Variants in TSPAN13 observed in about 807,000 individuals in gnomAD.
TSPAN13 encodes tetraspanin-13.
TSPAN13 carries 18 observed loss-of-function variants against 26.9 expected under a neutral mutation model. The observed-to-expected ratio is 0.67, with a 90% CI of 0.46 to 0.99. The LOEUF (loss-of-function observed/expected upper bound fraction) is 0.99. Ranked by LOEUF, TSPAN13 falls within the 50% of genes least tolerant of loss-of-function variation. TSPAN13 has a pLI of 0.00. For synonymous variants in TSPAN13, 116 were observed against 98.4 expected (o/e 1.18, Z -1.06); for missense variants, 201 against 249.6 (o/e 0.81, Z 1.31).
At position 16,754,014 on chromosome 7, in the gene TSPAN13, T is replaced by C; in HGVS notation, c.47T>C (p.Leu16Pro). The C allele has an allele frequency of 6.2e-7, 1 of 1,613,778 alleles. No homozygotes were observed. Among genetic ancestry groups the C allele is most frequent in the South Asian group, 1.1e-5 (1 of 90,984 alleles). The change falls in exon 1 of 6, where the codon CTC becomes CCC. Residue 16 changes from leucine to proline, a missense_variant. Transcript: ENST00000262067. Reference protein sequence around the residue: ...FACSKNCLCALNLLYTLVSLL... With the variant: ...FACSKNCLCAPNLLYTLVSLL... Reference sequence around the variant, plus strand: ...TGTTCCAAGAACTGCCTGTGCGCCCTCAACCTGCTTTACACCGTGAGTATC... The same window carrying C: ...TGTTCCAAGAACTGCCTGTGCGCCCCCAACCTGCTTTACACCGTGAGTATC...
chr7:16,756,134 T>C (rs895733476), intron 1 of TSPAN13, among the ~76,000 whole-genome samples: 1 of 152,180 alleles, frequency 6.6e-6, no homozygotes, highest in African/African-American at 2.4e-5. Context: ...GATCAAGTCT[T>C]AGATAGATGC....
At chr7:16,772,482 G>C (rs706066) in intron 1 of TSPAN13, among the ~76,000 whole-genome samples, 1 of 152,130 alleles carries the variant, frequency 6.6e-6, no homozygotes, top group Admixed American at 6.5e-5. Flanking sequence ...CTGTTCTTGC[G>C]TCTTCCATTT....
In TSPAN13 at chr7:16,757,578, AC is replaced by A. The variant is rs568724026; in HGVS notation, c.63+3549del. On this transcript the variant is annotated intron_variant, in intron 1 of 5. Transcript: ENST00000262067. ...TATGACCAAACATATATTTACTGGG[AC>A]TTTTTAAGAGTTGCCCTGCCAGTTT... is the stretch of plus-strand genomic sequence containing the variant. 4.7e-4 allele frequency among the ~76,000 whole-genome samples: 71 copies of A among 152,260 alleles called. 1 individual carries two copies. The East Asian group carries it at 0.012, about 26-fold the overall frequency.
intron 5 of TSPAN13, among the ~76,000 whole-genome samples, chr7:16,783,128 C>T (rs12112188): frequency 0.43 from 65,913 of 151,924 alleles, 15,876 homozygotes; most frequent in Middle Eastern, 0.57. Flanking sequence ...TTAACCACAC[C>T]CGCAAAGTCC....
chr7:16,762,032 C>G (rs1436928414), intron 1 of TSPAN13, among the ~76,000 whole-genome samples: 4 of 152,026 alleles, frequency 2.6e-5, no homozygotes, highest in Non-Finnish European at 5.9e-5. Context: ...ATTCTTTCAT[C>G]CTCAAAGCAA....
chr7:16,769,715 G>C (rs1324883099), intron 1 of TSPAN13, among the ~76,000 whole-genome samples: 1 of 151,442 alleles, frequency 6.6e-6, no homozygotes, highest in African/African-American at 2.4e-5. Context: ...AATAATTTTT[G>C]AATAATGAAA....
chr7:16,762,919 A>C (rs1409770428), intron 1 of TSPAN13, among the ~76,000 whole-genome samples: 2 of 152,190 alleles, frequency 1.3e-5, no homozygotes, highest in Non-Finnish European at 2.9e-5. Flanking sequence ...GAATATACTT[A>C]AAGTATAACA....
chr7:16,776,243 G>T lies in TSPAN13; in HGVS notation c.96G>T (p.Ala32=), dbSNP rs766812401. The change falls in exon 2 of 6, where the codon GCG becomes GCT. Residue 32 remains alanine, a synonymous_variant. Transcript: ENST00000262067. ...LVSLLLIGIA[A]WGIGFGLISS... is the part of the protein sequence containing the mutation. The stretch of plus-strand genomic sequence containing the variant: ...GTCTGCTGCTAATTGGAATTGCTGC[G>T]TGGGGCATTGGCTTCGGGCTGATTT... 6.8e-6 allele frequency: 11 copies of T among 1,614,006 alleles called. No individual in the cohort carries two copies. The highest frequency in any genetic ancestry group is 4.2e-6 in the Non-Finnish European group (5 of 1,179,980).
intron 1 of TSPAN13, among the ~76,000 whole-genome samples, chr7:16,768,000 C>G (rs182616550): frequency 6.6e-6 from 1 of 152,216 alleles, no homozygotes; most frequent in Non-Finnish European, 1.5e-5. Flanking sequence ...GCAACCTCCT[C>G]CTCCCAGGTT....
At position 16,777,902 on chromosome 7, in the gene TSPAN13, C is replaced by G; in HGVS notation, c.417C>G (p.Thr139=). The G allele has an allele frequency of 6.2e-7, 1 of 1,610,868 alleles. No individual in the cohort carries two copies. Among genetic ancestry groups the G allele is most frequent in the Admixed American group, 1.7e-5 (1 of 59,868 alleles). ...TCCGAAGTGTTAACCCAAATGACAC[C>G]TGTCTGGCTGTAAGTACATTGTATA... ...CGFRSVNPND[T]CLASCVKSDH... The change falls in exon 4 of 6, where the codon ACC becomes ACG. Residue 139 remains threonine, a synonymous_variant. Transcript: ENST00000262067.
At chr7:16,766,907 A>G (rs566288380) in intron 1 of TSPAN13, among the ~76,000 whole-genome samples, 46 of 152,324 alleles carry the variant, frequency 3.0e-4, no homozygotes, top group Admixed American at 6.5e-4. Context: ...CACTGGCTTT[A>G]TACATTTCAC....
At chr7:16,755,309 A>C (rs888004123) in intron 1 of TSPAN13, among the ~76,000 whole-genome samples, 1 of 152,170 alleles carries the variant, frequency 6.6e-6, no homozygotes, top group Admixed American at 6.5e-5. Context: ...CATGACTGCA[A>C]GCTTTGAAGG....
intron 5 of TSPAN13, 116 bp from the exon 6 acceptor site, chr7:16,783,301 G>T (rs1037792071): frequency 7.9e-6 from 8 of 1,015,450 alleles, no homozygotes; most frequent in Non-Finnish European, 1.2e-5. Context: ...TCTCCCCGTT[G>T]AACAAAAGAT....
intron 1 of TSPAN13, among the ~76,000 whole-genome samples, chr7:16,759,375 A>T (rs976693390): frequency 6.6e-6 from 1 of 152,092 alleles, no homozygotes; most frequent in Non-Finnish European, 1.5e-5. Context: ...TCACATGGGG[A>T]GAGTGAGGGG....
chr7:16,754,178 T>G, intron 1 of TSPAN13, 148 bp downstream of exon 1: 1 of 815,862 alleles, frequency 1.2e-6, no homozygotes, highest in Non-Finnish European at 2.0e-6. Context: ...GGCCTCACCA[T>G]CCGTCCCCGC....
chr7:16,761,941 T>A (rs1324423533), intron 1 of TSPAN13, among the ~76,000 whole-genome samples: 2 of 152,218 alleles, frequency 1.3e-5, no homozygotes, highest in South Asian at 4.1e-4. Context: ...ACTACCATCA[T>A]AACTTCTCTG....
chr7:16,782,786 T>G (rs1784827547), intron 5 of TSPAN13, among the ~76,000 whole-genome samples: 1 of 152,254 alleles, frequency 6.6e-6, no homozygotes, highest in African/African-American at 2.4e-5. Flanking sequence ...CTATTTAGAC[T>G]ACTTTGACTT....
chr7:16,772,266 G>A (rs1416136499), intron 1 of TSPAN13, among the ~76,000 whole-genome samples: 1 of 152,138 alleles, frequency 6.6e-6, no homozygotes, highest in African/African-American at 2.4e-5. Context: ...TTCCAGGCAG[G>A]TTCTATAACA....
At chr7:16,763,278 G>A (rs186159968) in intron 1 of TSPAN13, among the ~76,000 whole-genome samples, 1 of 152,296 alleles carries the variant, frequency 6.6e-6, no homozygotes, top group Admixed American at 6.5e-5. Context: ...TGTTGGTAGG[G>A]AAGGCGATCA....
Sources: allele counts gnomAD v4.1 joint callset (sites outside exome capture counted in the v4.1 genomes callset), GRCh38; gene constraint gnomAD v4.1.1; transcripts MANE v1.5; gene names NCBI Gene and HGNC (gene_info 2026-07-23, HGNC 2026-07-21).